The following RFPL3 variants were observed in gnomAD, a reference collection of about 807,000 sequenced individuals.
The protein encoded by RFPL3 is ret finger protein like 3.
In RFPL3, 8 loss-of-function variants were observed where a neutral mutation model predicts 8.7. The ratio of observed to expected loss-of-function variants is 0.92; its 90% CI spans 0.54 to 1.66. RFPL3 has a LOEUF of 1.66. RFPL3 is among the 40% of genes most tolerant of loss of function. RFPL3 has a pLI of 0.00. For synonymous variants in RFPL3, 145 were observed against 150.5 expected, an observed-to-expected ratio of 0.96 and a Z score of 0.27; for missense variants, 341 against 395.0, an observed-to-expected ratio of 0.86 and a Z score of 1.16.
At chr22:32,357,250 T>TTTTTC (rs200467406), upstream of RFPL3, among the ~76,000 whole-genome samples, 1 of 152,096 alleles carries the variant, frequency 6.6e-6, no homozygotes, top group Admixed American at 6.5e-5. Context: ...GATGTAATTT[T>TTTTTC]TTTTCTTTTC....
chr22:32,360,572 C>A lies in RFPL3; in HGVS notation c.694C>A (p.Pro232Thr). 6.2e-7 allele frequency: 1 copy of A among 1,613,930 alleles called. No homozygotes were observed. The highest frequency in any genetic ancestry group is 8.5e-7 in the Non-Finnish European group (1 of 1,179,846). The part of the protein sequence containing the change: ...DGSRLSASTV[P>T]LTFLLVDRKL... ...AAGCCGCCTCTCTGCCAGCACGGTG[C>A]CGCTGACTTTCCTCTTAGTAGACCG... is the stretch of plus-strand genomic sequence containing the variant. Residue 232 changes from proline (P) to threonine (T), a missense_variant, in exon 2 of 2, where the codon CCG (proline) becomes ACG (threonine). Transcript: ENST00000249007.
upstream of RFPL3, chr22:32,357,088 G>C (rs1932691157): frequency 3.0e-6 from 1 of 331,742 alleles, no homozygotes; most frequent in Non-Finnish European, 5.9e-6. Context: ...CAGTGCCAGT[G>C]TAGGACCCCT....
upstream of RFPL3, among the ~76,000 whole-genome samples, chr22:32,355,951 C>A (rs187781948): frequency 2.0e-5 from 3 of 146,944 alleles, no homozygotes; most frequent in Non-Finnish European, 4.6e-5. Flanking sequence ...TCACAAGCAT[C>A]CTGAGCCACC....
upstream of RFPL3, among the ~76,000 whole-genome samples, chr22:32,356,361 G>GTGAT (rs1172530129): frequency 3.3e-5 from 5 of 152,092 alleles, no homozygotes; most frequent in African/African-American, 9.7e-5. Context: ...GAGGTGTTCA[G>GTGAT]TGATCAAATG....
intron 1 of RFPL3, among the ~76,000 whole-genome samples, chr22:32,359,576 A>G (rs1932757296): frequency 6.6e-6 from 1 of 152,214 alleles, no homozygotes; most frequent in Non-Finnish European, 1.5e-5. Flanking sequence ...ACAATCAGTC[A>G]GTTATGACAG....
chr22:32,357,703 A>C (rs1932714787), upstream of RFPL3, among the ~76,000 whole-genome samples: 1 of 152,062 alleles, frequency 6.6e-6, no homozygotes. Flanking sequence ...ATGACCTCAG[A>C]TGATCCACCC....
Position 32,358,117 on chromosome 22 carries a change from G to A in RFPL3, c.46G>A (p.Gly16Arg). ...LVTTNRLSPQ[G>R]NFLPLCTFPL... ...CACAACTAACAGGCTTTCACCTCAAGGAAATTTTCTTCCCTTGTGTACTTT... is the reference window on the plus strand; with the variant it reads ...CACAACTAACAGGCTTTCACCTCAAAGAAATTTTCTTCCCTTGTGTACTTT... The change falls in exon 1 of 2, where the codon GGA becomes AGA. Residue 16 changes from glycine (G) to arginine (R), a missense_variant. Coordinates refer to ENST00000249007, the MANE Select transcript of RFPL3 (RefSeq NM_001098535.1). The A allele has an allele frequency of 1.2e-6, 2 of 1,613,952 alleles. No homozygotes were observed. Among genetic ancestry groups the A allele is most frequent in the Non-Finnish European group, 1.7e-6 (2 of 1,179,856 alleles).
At chr22:32,359,657 T>C (rs1050062179) in intron 1 of RFPL3, among the ~76,000 whole-genome samples, 7 of 152,190 alleles carry the variant, frequency 4.6e-5, no homozygotes, top group Non-Finnish European at 7.3e-5. Flanking sequence ...ACCTTCCATG[T>C]AGGATAGAAA....
intron 1 of RFPL3, 47 bp from the exon 2 acceptor site, chr22:32,360,205 G>A: frequency 6.4e-7 from 1 of 1,573,222 alleles, no homozygotes; most frequent in Non-Finnish European, 8.6e-7. Context: ...AGAGGCATGG[G>A]GTTGGCTTCT....
rs776128208 is a variant in RFPL3, at chr22:32,358,201, T to C, written c.130T>C (p.Ser44Pro). The C allele has an allele frequency of 5.6e-6, 9 of 1,613,852 alleles. No individual in the cohort carries two copies. In the African/African-American group the frequency reaches 1.2e-4, roughly 22 times the overall value. ...FQEASSCPVCSDYLEKPMSLE... is the reference protein window; with the variant it reads ...FQEASSCPVCPDYLEKPMSLE... ...AGAAGCAAGCAGCTGTCCCGTCTGC[T>C]CAGACTATCTGGAAAAACCAATGTC... Residue 44 changes from serine to proline, a missense_variant, in exon 1 of 2, where the codon TCA (serine) becomes CCA (proline). Physicochemically the swap from Ser to Pro is moderately conservative, Grantham distance 74. Transcript: ENST00000249007.
At chr22:32,356,835 C>A, upstream of RFPL3, 1 of 432,080 alleles carries the variant, frequency 2.3e-6, no homozygotes, top group Non-Finnish European at 4.7e-6. Context: ...GACTTCCGTA[C>A]CCTGGGTGAC....
At chr22:32,359,539 C>A (rs1181986769) in intron 1 of RFPL3, among the ~76,000 whole-genome samples, 3 of 152,100 alleles carry the variant, frequency 2.0e-5, no homozygotes, top group Non-Finnish European at 4.4e-5. Flanking sequence ...AAATTATTGA[C>A]CTTTGTATTT....
chr22:32,360,680 T>C lies in RFPL3; in HGVS notation c.802T>C (p.Tyr268His). Residue 268 changes from tyrosine (Y) to histidine (H), a missense_variant, in exon 2 of 2, where the codon TAT becomes CAT. Physicochemically the swap from Tyr to His is moderately conservative, Grantham distance 83. Transcript: ENST00000249007. The part of the protein sequence containing the change: ...FFDAESGSHV[Y>H]TFRSVSAEEP... ...TGATGCTGAAAGTGGTTCCCATGTCTATACATTCAGGAGCGTCTCTGCTGA... is the reference window on the plus strand; with the variant it reads ...TGATGCTGAAAGTGGTTCCCATGTCCATACATTCAGGAGCGTCTCTGCTGA... 6.2e-7 allele frequency: 1 copy of C among 1,613,998 alleles called. No individual in the cohort carries two copies. The highest frequency in any genetic ancestry group is 2.2e-5 in the East Asian group (1 of 44,882).
chr22:32,360,936 G>T lies in RFPL3; in HGVS notation c.*104G>T. ...TTATACAGTCATAGGAGAAAGATAT[G>T]GGACATTTCTATAATCTATATTCTA... is the stretch of plus-strand genomic sequence containing the variant. On this transcript the variant is annotated 3_prime_UTR_variant, in exon 2 of 2. Coordinates refer to ENST00000249007, the MANE Select transcript of RFPL3 (RefSeq NM_001098535.1). 3 of 1,116,770 alleles carry T rather than the reference G, an allele frequency of 2.7e-6. No homozygotes were observed. Among genetic ancestry groups the T allele is most frequent in the South Asian group, 2.2e-5 (1 of 45,178 alleles). 69.2% of individuals were successfully genotyped at this position (1,116,770 alleles called of 1,614,324 possible). A position where few individuals can be genotyped will look rare whatever the true frequency, so the allele number is the denominator to read the frequency against.
intron 1 of RFPL3, among the ~76,000 whole-genome samples, chr22:32,359,066 C>T (rs2145869166): frequency 6.6e-6 from 1 of 152,302 alleles, no homozygotes; most frequent in South Asian, 2.1e-4. Context: ...GGAAAAGGGA[C>T]ATTTAAATGA....
upstream of RFPL3, chr22:32,354,920 C>T (rs1168960475): frequency 6.6e-6 from 1 of 152,436 alleles, no homozygotes; most frequent in Non-Finnish European, 1.5e-5. Context: ...AGGCTCCAGC[C>T]TCCACTGTGC....
At position 32,361,065 on chromosome 22, in the gene RFPL3, C is replaced by T. The variant is rs568313849; in HGVS notation, c.*233C>T. 3.0e-5 allele frequency: 12 copies of T among 400,644 alleles called. No individual in the cohort carries two copies. Among genetic ancestry groups the T allele is most frequent in the African/African-American group, 6.2e-5 (3 of 48,628 alleles). 24.8% of individuals were successfully genotyped at this position (400,644 alleles called of 1,614,324 possible). A position where few individuals can be genotyped will look rare whatever the true frequency, so the allele number is the denominator to read the frequency against. On this transcript the variant is annotated 3_prime_UTR_variant, in exon 2 of 2. Transcript: ENST00000249007. Reference sequence around the variant, plus strand: ...TTCCTATAGAAATGTTCTGTATTCTCGGATCAATTTCCAAATGCTTTACTT... The same window carrying T: ...TTCCTATAGAAATGTTCTGTATTCTTGGATCAATTTCCAAATGCTTTACTT...
At position 32,360,498 on chromosome 22, in the gene RFPL3, T is replaced by A; in HGVS notation, c.620T>A (p.Ile207Asn). Residue 207 changes from isoleucine to asparagine, a missense_variant, in exon 2 of 2, where the codon ATC (isoleucine) becomes AAC (asparagine). Ile to Asn is a moderately radical substitution (Grantham distance 149, BLOSUM62 -3). Coordinates refer to ENST00000249007, the MANE Select transcript of RFPL3 (RefSeq NM_001098535.1). ...CRESVHCKGK[I>N]QLTTELGFWT... ...GAATCTGTTCACTGCAAAGGGAAGATCCAGCTGACCACAGAGCTTGGATTC... is the reference window on the plus strand; with the variant it reads ...GAATCTGTTCACTGCAAAGGGAAGAACCAGCTGACCACAGAGCTTGGATTC... 6.2e-7 allele frequency: 1 copy of A among 1,613,910 alleles called. No individual in the cohort carries two copies. Among genetic ancestry groups the A allele is most frequent in the East Asian group, 2.2e-5 (1 of 44,890 alleles).
At chr22:32,359,566 ACAAT>A (rs1462393345) in intron 1 of RFPL3, among the ~76,000 whole-genome samples, 23 of 152,178 alleles carry the variant, frequency 1.5e-4, no homozygotes, top group Non-Finnish European at 2.4e-4. Flanking sequence ...CTTATTCTCT[ACAAT>A]CAGTCAGTTA....
Sources: allele counts gnomAD v4.1 joint callset (sites outside exome capture counted in the v4.1 genomes callset), GRCh38; gene constraint gnomAD v4.1.1; transcripts MANE v1.5; gene names NCBI Gene and HGNC (gene_info 2026-07-23, HGNC 2026-07-21).